Variants in DIP2B observed in about 807,000 individuals in gnomAD.
DIP2B encodes the protein disco-interacting protein 2 homolog B.
Under a neutral mutation model 198.0 loss-of-function variants are expected in DIP2B, and 76 were observed. The observed-to-expected ratio is 0.38, with a 90% CI of 0.32 to 0.46. The LOEUF (loss-of-function observed/expected upper bound fraction) is 0.46, where lower values mean the gene tolerates loss of function less well. Ranked by LOEUF, DIP2B falls within the 20% of genes least tolerant of loss-of-function variation. The pLI is 0.99. For synonymous variants in DIP2B, 701 were observed against 739.1 expected, an observed-to-expected ratio of 0.95 and a Z score of 0.84; for missense variants, 1,559 against 1,978.4, an observed-to-expected ratio of 0.79 and a Z score of 4.02.
intron 15 of DIP2B, among the ~76,000 whole-genome samples, chr12:50,695,626 G>T (rs1258716801): frequency 6.6e-6 from 1 of 152,166 alleles, no homozygotes; most frequent in South Asian, 2.1e-4. Context: ...ACTGTGACCT[G>T]CCTAGAGGGT....
At chr12:50,527,336 C>T (rs888957867) in intron 1 of DIP2B, among the ~76,000 whole-genome samples, 4 of 152,212 alleles carry the variant, frequency 2.6e-5, no homozygotes, top group Non-Finnish European at 4.4e-5. Flanking sequence ...GTCCTACCCA[C>T]GTTATCTCAG....
At chr12:50,593,198 C>G (rs1291048956) in intron 1 of DIP2B, among the ~76,000 whole-genome samples, 5 of 152,132 alleles carry the variant, frequency 3.3e-5, no homozygotes, top group African/African-American at 1.2e-4. Flanking sequence ...GAGTGGAGTT[C>G]AGTCTTTTAA....
chr12:50,582,506 A>G (rs1343776281), intron 1 of DIP2B, among the ~76,000 whole-genome samples: 1 of 152,164 alleles, frequency 6.6e-6, no homozygotes, highest in Non-Finnish European at 1.5e-5. Context: ...TCTATGAAAC[A>G]TTGTAATATT....
At chr12:50,617,300 C>T (rs963061981) in intron 1 of DIP2B, among the ~76,000 whole-genome samples, 5 of 151,798 alleles carry the variant, frequency 3.3e-5, no homozygotes, top group African/African-American at 4.8e-5. Flanking sequence ...GGACTACAGG[C>T]GCCCGCTACT....
chr12:50,535,950 T>A (rs1220456477), intron 1 of DIP2B, among the ~76,000 whole-genome samples: 3 of 149,084 alleles, frequency 2.0e-5, no homozygotes, highest in Non-Finnish European at 4.5e-5. Context: ...TATGGGGTGT[T>A]TGGTTTTTTG....
chr12:50,528,473 G>A (rs1443417648), intron 1 of DIP2B, among the ~76,000 whole-genome samples: 1 of 151,858 alleles, frequency 6.6e-6, no homozygotes, highest in African/African-American at 2.4e-5. Flanking sequence ...TTAGTATAGT[G>A]TCTGGCACAC....
At chr12:50,618,881 A>G (rs1937751492) in intron 1 of DIP2B, among the ~76,000 whole-genome samples, 1 of 152,186 alleles carries the variant, frequency 6.6e-6, no homozygotes, top group African/African-American at 2.4e-5. Flanking sequence ...GACTTTGCAA[A>G]TAATCTTGAG....
chr12:50,633,566 A>C (rs1049682643), intron 2 of DIP2B, among the ~76,000 whole-genome samples: 2 of 152,152 alleles, frequency 1.3e-5, no homozygotes, highest in Non-Finnish European at 2.9e-5. Flanking sequence ...ATCACTTGAG[A>C]CCAGCCTGGG....
chr12:50,716,958 C>CTGTTTTTTTTTTTTTTTTTTTTTT (rs1939731747), intron 23 of DIP2B, among the ~76,000 whole-genome samples: 2 of 58,924 alleles, frequency 3.4e-5, no homozygotes, highest in Non-Finnish European at 5.9e-5. Flanking sequence ...CGAATTGTTG[C>CTGTTTTTTTTTTTTTTTTTTTTTT]TTTTTTTTTT....
chr12:50,652,373 A>G (rs1028570548), intron 3 of DIP2B, among the ~76,000 whole-genome samples: 5 of 148,680 alleles, frequency 3.4e-5, no homozygotes, highest in Admixed American at 1.3e-4. Context: ...ACACACACGC[A>G]CACACACACA....
chr12:50,716,507 GACTGAGCGAGAC>G lies in DIP2B; in HGVS notation c.2851+1912_2851+1923del, dbSNP rs546544947. Among the ~76,000 whole-genome samples, 180 of 152,156 alleles carry G rather than the reference GACTGAGCGAGAC, an allele frequency of 1.2e-3. 2 individuals are homozygous for G. The highest frequency in any genetic ancestry group is 4.1e-3 in the African/African-American group (169 of 41,498). On this transcript the variant is annotated intron_variant, in intron 23 of 37. Coordinates refer to ENST00000301180, the MANE Select transcript of DIP2B (RefSeq NM_173602.3). ...TGTGCCACTGCACTCCAGCCTGGGC[GACTGAGCGAGAC>G]TCTGTCTCAAAAAACAAAACAAAAC... is the stretch of plus-strand genomic sequence containing the variant.
At chr12:50,530,084 T>C (rs1958202183) in intron 1 of DIP2B, among the ~76,000 whole-genome samples, 1 of 152,118 alleles carries the variant, frequency 6.6e-6, no homozygotes, top group Non-Finnish European at 1.5e-5. Context: ...TCCATCACTT[T>C]CATTTTTTTT....
At chr12:50,581,302 A>G (rs1313141777) in intron 1 of DIP2B, among the ~76,000 whole-genome samples, 2 of 149,482 alleles carry the variant, frequency 1.3e-5, no homozygotes, top group Non-Finnish European at 2.9e-5. Flanking sequence ...AAAAATAGGC[A>G]GGCTTTTAAG....
chr12:50,640,512 A>G (rs1486881142), intron 2 of DIP2B, among the ~76,000 whole-genome samples: 1 of 152,126 alleles, frequency 6.6e-6, no homozygotes, highest in Non-Finnish European at 1.5e-5. Context: ...TTCCTCTCCT[A>G]TCAACCTGTT....
chr12:50,573,381 C>T (rs1958632134), intron 1 of DIP2B, among the ~76,000 whole-genome samples: 1 of 152,224 alleles, frequency 6.6e-6, no homozygotes, highest in Non-Finnish European at 1.5e-5. Flanking sequence ...CCTTGTTCCA[C>T]CTGCCTTGCC....
At chr12:50,570,229 G>C (rs980427291) in intron 1 of DIP2B, among the ~76,000 whole-genome samples, 1 of 152,006 alleles carries the variant, frequency 6.6e-6, no homozygotes, top group African/African-American at 2.4e-5. Context: ...AGATCTCTTG[G>C]GGATTTGTCT....
intron 1 of DIP2B, among the ~76,000 whole-genome samples, chr12:50,547,552 T>C (rs544504904): frequency 4.6e-5 from 7 of 152,218 alleles, no homozygotes; most frequent in Non-Finnish European, 7.3e-5. Flanking sequence ...TTATTCTTAC[T>C]ATTCTTCCGT....
intron 3 of DIP2B, among the ~76,000 whole-genome samples, chr12:50,653,336 T>TC (rs1178110428): frequency 6.9e-6 from 1 of 144,482 alleles, no homozygotes; most frequent in Non-Finnish European, 1.5e-5. Flanking sequence ...TTCTTTTTTT[T>TC]TTTTCTTTTC....
chr12:50,708,360 G>T, intron 21 of DIP2B, 88 bp from the exon 22 acceptor site: 1 of 1,189,532 alleles, frequency 8.4e-7, no homozygotes. Flanking sequence ...GCATGGTGGG[G>T]TTGTCTCCTC....
Sources: gnomAD v4.1 joint callset for allele counts (sites outside exome capture counted in the v4.1 genomes callset) on GRCh38, gnomAD v4.1.1 for gene constraint, MANE v1.5 for transcripts, NCBI Gene and HGNC (gene_info 2026-07-23, HGNC 2026-07-21) for gene names.